The following PCDHGC4 variants were observed in gnomAD, a reference collection of about 807,000 sequenced individuals.
PCDHGC4 encodes the protein protocadherin gamma-C4.
In PCDHGC4, 15 loss-of-function variants were observed where a neutral mutation model predicts 59.7. That is an observed-to-expected ratio of 0.25 (90% CI 0.17 to 0.39). The LOEUF is 0.39. Among genes scored for constraint, PCDHGC4 ranks in the 10% least tolerant of loss-of-function variants. PCDHGC4 has a pLI of 1.00. For missense variants in PCDHGC4, 1,016 were observed against 1,189.5 expected (o/e 0.85, Z 2.15); for synonymous variants, 434 against 481.4 (o/e 0.90, Z 1.29).
rs1196201183 is a variant in PCDHGC4, at chr5:141,490,944, G to A, written c.2442+3329G>A. ...ATGCCCCAGCTGTGCTGCACCCACG[G>A]CCAGACTGGGAACACTCAGCCCCCC... On this transcript the variant is annotated intron_variant, in intron 1 of 3. Transcript: ENST00000306593. This position sits in a 1 kb window ranked among gnomAD's most constrained non-coding sequence, Gnocchi z 5.4. 6.2e-7 allele frequency: 1 copy of A among 1,613,488 alleles called. No individual in the cohort carries two copies. The highest frequency in any genetic ancestry group is 1.3e-5 in the African/African-American group (1 of 74,906).
At chr5:141,492,063 C>T in intron 1 of PCDHGC4, 1 of 481,160 alleles carries the variant, frequency 2.1e-6, no homozygotes, top group African/African-American at 2.0e-5. Flanking sequence ...CAGCCAGCCT[C>T]CTAGGCGCCG....
At position 141,486,055 on chromosome 5, in the gene PCDHGC4, C is replaced by T; in HGVS notation, c.882C>T (p.Ser294=). 6.2e-7 allele frequency: 1 copy of T among 1,614,170 alleles called. No individual in the cohort carries two copies. ...CTGATCGTGTAAGAAACCTCTTTAG[C>T]CTGCACCCCACTACTGGAAAGCTTA... ...HTPDRVRNLF[S]LHPTTGKLTL... The change falls in exon 1 of 4, where the codon AGC becomes AGT. Residue 294 remains serine (S), a synonymous_variant. Transcript: ENST00000306593. The surrounding 1 kb of genome is among the most constrained non-coding windows in gnomAD (Gnocchi z 5.0).
intron 3 of PCDHGC4, among the ~76,000 whole-genome samples, chr5:141,508,761 C>G (rs943236216): frequency 6.6e-6 from 1 of 151,974 alleles, no homozygotes; most frequent in Admixed American, 6.6e-5. Context: ...TCTGGCGCCT[C>G]TGAGGTCCCC....
chr5:141,490,288 G>A lies in PCDHGC4; in HGVS notation c.2442+2673G>A. On this transcript the variant is annotated intron_variant, in intron 1 of 3. Coordinates refer to ENST00000306593, the MANE Select transcript of PCDHGC4 (RefSeq NM_018928.3). The surrounding 1 kb of genome is among the most constrained non-coding windows in gnomAD (Gnocchi z 5.4). ...GGATGTCAATGACAATGCCCCAGAG[G>A]TGCTATTGGCCTCTTTGGCCAACCC... The A allele has an allele frequency of 3.7e-6, 6 of 1,614,198 alleles. No individual in the cohort carries two copies. The highest frequency in any genetic ancestry group is 5.1e-6 in the Non-Finnish European group (6 of 1,180,042).
At position 141,489,985 on chromosome 5, in the gene PCDHGC4, G is replaced by C. The variant is rs761481986; in HGVS notation, c.2442+2370G>C. ...AACCTTCCAATCCTCAGTTCTACGT[G>C]TGGGAATCCCAGAGAATGCACCCAT... On this transcript the variant is annotated intron_variant, in intron 1 of 3. Coordinates refer to ENST00000306593, the MANE Select transcript of PCDHGC4 (RefSeq NM_018928.3). This position sits in a 1 kb window ranked among gnomAD's most constrained non-coding sequence, Gnocchi z 4.5. 3 of 1,614,212 alleles carry C rather than the reference G, an allele frequency of 1.9e-6. No individual in the cohort carries two copies. The East Asian group carries it at 6.7e-5, about 36-fold the overall frequency.
In PCDHGC4 at chr5:141,485,178, T is replaced by A; in HGVS notation, c.5T>A (p.Leu2His). The stretch of plus-strand genomic sequence containing the variant: ...GAGAATTAGCGGGCGGCAGCAATGC[T>A]CCGCAAGGTGAGAAGCTGGACAGAA... M[L>H]RKVRSWTEIW... Residue 2 changes from leucine (L) to histidine (H), a missense_variant, in exon 1 of 4, where the codon CTC (leucine) becomes CAC (histidine). Transcript: ENST00000306593. This position sits in a 1 kb window ranked among gnomAD's most constrained non-coding sequence, Gnocchi z 5.7. 1.2e-6 allele frequency: 2 copies of A among 1,612,400 alleles called. No homozygotes were observed. Among genetic ancestry groups the A allele is most frequent in the Non-Finnish European group, 1.7e-6 (2 of 1,178,628 alleles).
chr5:141,511,241 C>A lies in PCDHGC4; in HGVS notation c.*68C>A. On this transcript the variant is annotated 3_prime_UTR_variant, in exon 4 of 4. Coordinates refer to ENST00000306593, the MANE Select transcript of PCDHGC4 (RefSeq NM_018928.3). ...CCAGCCCAGCTTCTCCTTACCTGCA[C>A]CCAGGCCTCAGAGTTTCAGGGCTAA... 1 of 1,585,212 alleles carries A rather than the reference C, an allele frequency of 6.3e-7. No individual in the cohort carries two copies. The highest frequency in any genetic ancestry group is 8.6e-7 in the Non-Finnish European group (1 of 1,165,762).
At chr5:141,502,056 C>A (rs1163976282) in intron 2 of PCDHGC4, among the ~76,000 whole-genome samples, 1 of 152,116 alleles carries the variant, frequency 6.6e-6, no homozygotes, top group Non-Finnish European at 1.5e-5. Context: ...CTACTTTATT[C>A]CCATTAGCCC....
Position 141,489,089 on chromosome 5 carries a change from A to T in PCDHGC4, c.2442+1474A>T, listed in dbSNP as rs1214993065. The T allele has an allele frequency of 7.4e-5, 21 of 284,398 alleles. No homozygotes were observed. Among genetic ancestry groups the T allele is most frequent in the East Asian group, 1.1e-4 (2 of 17,560 alleles). The allele number at this position is 284,398 out of a possible 1,614,324, so 17.6% of individuals were successfully genotyped here. On this transcript the variant is annotated intron_variant, in intron 1 of 3. Coordinates refer to ENST00000306593, the MANE Select transcript of PCDHGC4 (RefSeq NM_018928.3). This position sits in a 1 kb window ranked among gnomAD's most constrained non-coding sequence, Gnocchi z 4.5. ...CCCTGCCCACCCCCGCCACTCGGTGACTAAGAACTGCTGCAAGCAGGCAAA... is the reference window on the plus strand; with the variant it reads ...CCCTGCCCACCCCCGCCACTCGGTGTCTAAGAACTGCTGCAAGCAGGCAAA...
Position 141,487,289 on chromosome 5 carries a change from G to A in PCDHGC4, c.2116G>A (p.Gly706Ser). The A allele has an allele frequency of 1.2e-6, 2 of 1,614,096 alleles. No individual in the cohort carries two copies. The highest frequency in any genetic ancestry group is 1.7e-6 in the Non-Finnish European group (2 of 1,180,024). The change falls in exon 1 of 4, where the codon GGC becomes AGC. Residue 706 changes from glycine (G) to serine (S), a missense_variant. Physicochemically the swap from Gly to Ser is moderately conservative, Grantham distance 56 (BLOSUM62 0). Coordinates refer to ENST00000306593, the MANE Select transcript of PCDHGC4 (RefSeq NM_018928.3). The surrounding 1 kb of genome is among the most constrained non-coding windows in gnomAD (Gnocchi z 5.0). ...AGTGGCAATTTGCTTTGTCTCCTTTGGCTCATTCGTGGCACTACTCTCTAA... is the reference window on the plus strand; with the variant it reads ...AGTGGCAATTTGCTTTGTCTCCTTTAGCTCATTCGTGGCACTACTCTCTAA... ...SLVAICFVSF[G>S]SFVALLSKCL...
intron 2 of PCDHGC4, among the ~76,000 whole-genome samples, chr5:141,499,675 T>A (rs1426498530): frequency 2.0e-5 from 3 of 150,746 alleles, no homozygotes; most frequent in African/African-American, 7.3e-5. Flanking sequence ...GTCTCCACCA[T>A]CTTTAACAGA....
At chr5:141,506,969 A>G (rs923725359) in intron 3 of PCDHGC4, 7 of 152,208 alleles carry the variant, frequency 4.6e-5, no homozygotes, top group Non-Finnish European at 8.8e-5. Flanking sequence ...ATAGCTCTGC[A>G]AGGCAGGTCT....
At chr5:141,488,859 G>A (rs1033425540) in intron 1 of PCDHGC4, among the ~76,000 whole-genome samples, 12 of 152,204 alleles carry the variant, frequency 7.9e-5, no homozygotes, top group African/African-American at 2.9e-4. Context: ...GCAGCACGAA[G>A]TGAGTGGGGA....
At position 141,487,681 on chromosome 5, in the gene PCDHGC4, T is replaced by C. The variant is rs754032560; in HGVS notation, c.2442+66T>C. The stretch of plus-strand genomic sequence containing the variant: ...CTGATCCAGGCATATGGCTAGGCCA[T>C]GTCCTAGAGAGTACTGGCCTCTCAG... On this transcript the variant is annotated intron_variant, in intron 1 of 3. Coordinates refer to ENST00000306593, the MANE Select transcript of PCDHGC4 (RefSeq NM_018928.3). The surrounding 1 kb of genome is among the most constrained non-coding windows in gnomAD (Gnocchi z 5.0). 1.1e-5 allele frequency: 18 copies of C among 1,608,852 alleles called. No individual in the cohort carries two copies. The highest frequency in any genetic ancestry group is 4.5e-5 in the East Asian group (2 of 44,816).
At chr5:141,507,611 A>G (rs2099862056) in intron 3 of PCDHGC4, among the ~76,000 whole-genome samples, 1 of 152,258 alleles carries the variant, frequency 6.6e-6, no homozygotes, top group South Asian at 2.1e-4. Flanking sequence ...AAACAGGTAT[A>G]TTTAGCTGTT....
Position 141,485,575 on chromosome 5 carries a change from G to C in PCDHGC4, c.402G>C (p.Pro134=), listed in dbSNP as rs1200831125. The change falls in exon 1 of 4, where the codon CCG becomes CCC. Residue 134 remains proline, a synonymous_variant. Coordinates refer to ENST00000306593, the MANE Select transcript of PCDHGC4 (RefSeq NM_018928.3). This position sits in a 1 kb window ranked among gnomAD's most constrained non-coding sequence, Gnocchi z 5.7. ...TGAATGATCACGCCCCCCGTTTTCC[G>C]CGGCAGCAGCTGGACTTGGAAATTG... ...VDVNDHAPRF[P]RQQLDLEIGE... is the part of the protein sequence containing the mutation. 2 of 1,612,496 alleles carry C rather than the reference G, an allele frequency of 1.2e-6. No homozygotes were observed. The highest frequency in any genetic ancestry group is 2.7e-5 in the African/African-American group (2 of 74,918).
Position 141,491,034 on chromosome 5 carries a change from T to C in PCDHGC4, c.2442+3419T>C, listed in dbSNP as rs375902824. On this transcript the variant is annotated intron_variant, in intron 1 of 3. Coordinates refer to ENST00000306593, the MANE Select transcript of PCDHGC4 (RefSeq NM_018928.3). The surrounding 1 kb of genome is among the most constrained non-coding windows in gnomAD (Gnocchi z 6.9). The stretch of plus-strand genomic sequence containing the variant: ...CCAAGGTGACAGCCGTGGATGCTGA[T>C]GCAGGCCACAATGCGTGGCTCTCCT... 19 of 1,614,170 alleles carry C rather than the reference T, an allele frequency of 1.2e-5. No homozygotes were observed. Among genetic ancestry groups the C allele is most frequent in the East Asian group, 4.5e-5 (2 of 44,894 alleles).
chr5:141,503,367 C>T (rs1038565489), intron 2 of PCDHGC4, among the ~76,000 whole-genome samples: 5 of 151,908 alleles, frequency 3.3e-5, no homozygotes, highest in African/African-American at 9.7e-5. Flanking sequence ...GAAGCGGAGG[C>T]AGGTGGATCA....
chr5:141,490,641 G>A lies in PCDHGC4; in HGVS notation c.2442+3026G>A. 3 of 1,614,160 alleles carry A rather than the reference G, an allele frequency of 1.9e-6. No homozygotes were observed. On this transcript the variant is annotated intron_variant, in intron 1 of 3. Transcript: ENST00000306593. This position sits in a 1 kb window ranked among gnomAD's most constrained non-coding sequence, Gnocchi z 5.4. Reference sequence around the variant, plus strand: ...ACACTGCTTACATCCTAGAAAACCGGCCTCCGGGCTCCCTTCTTTGCACTG... The same window carrying A: ...ACACTGCTTACATCCTAGAAAACCGACCTCCGGGCTCCCTTCTTTGCACTG...
Sources: gnomAD v4.1 joint callset for allele counts (sites outside exome capture counted in the v4.1 genomes callset) on GRCh38, gnomAD v4.1.1 for gene constraint, Gnocchi (gnomAD v3.1) non-coding constraint, MANE v1.5 for transcripts, NCBI Gene and HGNC (gene_info 2026-07-23, HGNC 2026-07-21) for gene names.